PTH1R: variants seen among roughly 807,000 people sequenced by gnomAD.
PTH1R encodes the protein parathyroid hormone/parathyroid hormone-related peptide receptor.
Under a neutral mutation model 70.7 loss-of-function variants are expected in PTH1R, and 32 were observed. The observed-to-expected ratio is 0.45, with a 90% confidence interval of 0.34 to 0.61. The LOEUF is 0.61. Ranked by LOEUF, PTH1R falls within the 20% of genes least tolerant of loss-of-function variation. The pLI, the probability that PTH1R is intolerant of heterozygous loss-of-function variation, is 0.01. For synonymous variants in PTH1R, 329 were observed against 324.8 expected, an observed-to-expected ratio of 1.01 and a Z score of -0.14; for missense variants, 626 against 792.5, an observed-to-expected ratio of 0.79 and a Z score of 2.52.
Position 46,893,870 on chromosome 3 carries a change from G to T in PTH1R, c.76-37G>T. ...GTCTCTGGGACCTGCTGCTGCGCCG[G>T]AAAGTCCTGCCTGTGGTCTGACCTT... On this transcript the variant is annotated intron_variant, in intron 3 of 15. Transcript: ENST00000449590. The surrounding 1 kb of genome is among the most constrained non-coding windows in gnomAD (Gnocchi z 5.2). 6.2e-7 allele frequency: 1 copy of T among 1,604,120 alleles called. No individual in the cohort carries two copies. The highest frequency in any genetic ancestry group is 1.7e-4 in the Middle Eastern group (1 of 6,046).
At position 46,892,198 on chromosome 3, in the gene PTH1R, G is replaced by C. The variant is rs371008019; in HGVS notation, c.76-1709G>C. Among the ~76,000 whole-genome samples the C allele has an allele frequency of 6.6e-5, 10 of 152,258 alleles. No individual in the cohort carries two copies. Among genetic ancestry groups the C allele is most frequent in the African/African-American group, 2.2e-4 (9 of 41,554 alleles). On this transcript the variant is annotated intron_variant, in intron 3 of 15. Transcript: ENST00000449590. This position sits in a 1 kb window ranked among gnomAD's most constrained non-coding sequence, Gnocchi z 5.2. ...AGGATCTGCTCCAGCCCTTCCTGGG[G>C]TCCATAGTACCAGCGGAGATCTCAG... is the stretch of plus-strand genomic sequence containing the variant.
chr3:46,895,594 A>C, intron 4 of PTH1R, 141 bp from the exon 5 acceptor site: 1 of 1,287,358 alleles, frequency 7.8e-7, no homozygotes, highest in Non-Finnish European at 1.1e-6. Flanking sequence ...CCATCGTCTC[A>C]GATCTCCCAA....
Position 46,898,137 on chromosome 3 carries a change from C to T in PTH1R, c.488C>T (p.Thr163Met), listed in dbSNP as rs774308227. Residue 163 changes from threonine (T) to methionine (M), a missense_variant, in exon 7 of 16, where the codon ACG becomes ATG. Thr to Met is a moderately conservative substitution (Grantham distance 81, BLOSUM62 -1). Coordinates refer to ENST00000449590, the MANE Select transcript of PTH1R (RefSeq NM_000316.3). ...SWELVPGHNR[T>M]WANYSECVKF... ...GAGCTGGTGCCTGGGCACAACAGGA[C>T]GTGGGCCAACTACAGCGAGTGTGTC... is the stretch of plus-strand genomic sequence containing the variant. 4.3e-6 allele frequency: 7 copies of T among 1,614,100 alleles called. No individual in the cohort carries two copies. The highest frequency in any genetic ancestry group is 1.7e-5 in the Admixed American group (1 of 60,010).
At chr3:46,899,271 T>C in intron 9 of PTH1R, 32 bp from the exon 10 acceptor site, 1 of 1,613,558 alleles carries the variant, frequency 6.2e-7, no homozygotes, top group Non-Finnish European at 8.5e-7. Flanking sequence ...AGGCAGGCCC[T>C]GCCCTCTGAC....
chr3:46,878,358 C>CGA (rs150092726), intron 1 of PTH1R, among the ~76,000 whole-genome samples: 2,610 of 152,230 alleles, frequency 0.017, 73 homozygotes, highest in African/African-American at 0.058. Flanking sequence ...GCCTAGAAGC[C>CGA]GAGAGAGGTC....
At chr3:46,886,881 C>T (rs906417612) in intron 3 of PTH1R, among the ~76,000 whole-genome samples, 5 of 152,166 alleles carry the variant, frequency 3.3e-5, no homozygotes, top group Admixed American at 6.5e-5. Flanking sequence ...AAAAGCAGCA[C>T]GAGATTTGCT....
Position 46,902,890 on chromosome 3 carries a change from G to T in PTH1R, c.1395+100G>T. On this transcript the variant is annotated intron_variant, in intron 15 of 15. Coordinates refer to ENST00000449590, the MANE Select transcript of PTH1R (RefSeq NM_000316.3). This position sits in a 1 kb window ranked among gnomAD's most constrained non-coding sequence, Gnocchi z 5.4. ...CATTCTTCCACCCTGTTATTTCTTT[G>T]TTCCTCCAAGAACACCCCTGAGGAC... The T allele has an allele frequency of 1.3e-6, 2 of 1,519,056 alleles. No homozygotes were observed. Among genetic ancestry groups the T allele is most frequent in the Non-Finnish European group, 1.8e-6 (2 of 1,101,108 alleles). 94.1% of individuals were successfully genotyped at this position (1,519,056 alleles called of 1,614,324 possible).
Position 46,903,600 on chromosome 3 carries a change from T to A in PTH1R, c.1726T>A (p.Ser576Thr). 6.2e-7 allele frequency: 1 copy of A among 1,613,358 alleles called. No homozygotes were observed. The change falls in exon 16 of 16, where the codon TCT becomes ACT. Residue 576 changes from serine to threonine, a missense_variant. Physicochemically the swap from Ser to Thr is moderately conservative, Grantham distance 58. Coordinates refer to ENST00000449590, the MANE Select transcript of PTH1R (RefSeq NM_000316.3). The surrounding 1 kb of genome is among the most constrained non-coding windows in gnomAD (Gnocchi z 4.4). ...CTGCTCAGGCCTGGACGAGGAGGCC[T>A]CTGGGCCTGAGCGGCCACCTGCCCT... ...GSCSGLDEEA[S>T]GPERPPALLQ...
In PTH1R at chr3:46,894,015, G is replaced by T. The variant is rs1183920969; in HGVS notation, c.178+6G>T. ...GGAGGTCCTGCAGAGGCCAGGTGGG[G>T]GTCAAAGGAAGAGGGTCTGGGGATG... On this transcript the variant is annotated splice_donor_region_variant and intron_variant, in intron 4 of 15. Transcript: ENST00000449590. 1.7e-5 allele frequency: 27 copies of T among 1,613,734 alleles called. No homozygotes were observed. The highest frequency in any genetic ancestry group is 2.2e-5 in the Non-Finnish European group (26 of 1,179,818).
At position 46,902,471 on chromosome 3, in the gene PTH1R, A is replaced by G. The variant is rs2032183366; in HGVS notation, c.1212-55A>G. 6.3e-7 allele frequency: 1 copy of G among 1,598,860 alleles called. No individual in the cohort carries two copies. Among genetic ancestry groups the G allele is most frequent in the Non-Finnish European group, 8.5e-7 (1 of 1,173,702 alleles). ...GGCTCGCAGGGTGGGGGGTGGCACA[A>G]TGCTTGTTGAAGGGGAAGTGGCTTG... On this transcript the variant is annotated intron_variant, in intron 13 of 15. Coordinates refer to ENST00000449590, the MANE Select transcript of PTH1R (RefSeq NM_000316.3). This position sits in a 1 kb window ranked among gnomAD's most constrained non-coding sequence, Gnocchi z 5.4.
At position 46,897,930 on chromosome 3, in the gene PTH1R, C is replaced by T. The variant is rs199707422; in HGVS notation, c.389C>T (p.Pro130Leu). Residue 130 changes from proline (P) to leucine (L), a missense_variant, in exon 6 of 16, where the codon CCC becomes CTC. Around this residue, in one of 3 missense-constraint regions of PTH1R, gnomAD observed 495 missense variants for 638.7 expected, o/e 0.77. Transcript: ENST00000449590. ...GCACCAGGTGAGGTGGTGGCTGTGC[C>T]CTGTCCGGACTACATTTATGACTTC... ...LGAPGEVVAV[P>L]CPDYIYDFNH... is the part of the protein sequence containing the mutation. The T allele has an allele frequency of 5.0e-6, 8 of 1,614,098 alleles. No homozygotes were observed. Among genetic ancestry groups the T allele is most frequent in the Non-Finnish European group, 6.8e-6 (8 of 1,180,020 alleles).
chr3:46,882,415 G>C lies in PTH1R; in HGVS notation c.-48-1097G>C, dbSNP rs542847778. Reference sequence around the variant, plus strand: ...GGCGCTGGCTTGGGGAGGCTGTCGGGGGGGCCCCGACATCCATGGCAAGGC... The same window carrying C: ...GGCGCTGGCTTGGGGAGGCTGTCGGCGGGGCCCCGACATCCATGGCAAGGC... On this transcript the variant is annotated intron_variant, in intron 2 of 15. Coordinates refer to ENST00000449590, the MANE Select transcript of PTH1R (RefSeq NM_000316.3). The surrounding 1 kb of genome is among the most constrained non-coding windows in gnomAD (Gnocchi z 4.3). The C allele has an allele frequency of 2.0e-5, 3 of 151,718 alleles. No homozygotes were observed. The highest frequency in any genetic ancestry group is 1.3e-4 in the Admixed American group (2 of 15,270). The allele number at this position is 151,718 out of a possible 1,614,324, so 9.4% of individuals were successfully genotyped here.
intron 3 of PTH1R, among the ~76,000 whole-genome samples, chr3:46,889,947 G>A (rs185862931): frequency 6.6e-6 from 1 of 152,298 alleles, no homozygotes; most frequent in Admixed American, 6.5e-5. Flanking sequence ...GGGGCGGGGA[G>A]AAGGGAGTAG....
Position 46,895,838 on chromosome 3 carries a change from CAAG to C in PTH1R, c.283_285del (p.Lys95del). The C allele has an allele frequency of 1.9e-6, 3 of 1,613,790 alleles. No individual in the cohort carries two copies. The highest frequency in any genetic ancestry group is 2.5e-6 in the Non-Finnish European group (3 of 1,180,020). ...AGCTCTACCCTGAGTCTGAGGAGGACAAGGAGGCACCCACTGGCAGCAGGTACC... is the reference window on the plus strand; with the variant it reads ...AGCTCTACCCTGAGTCTGAGGAGGACGAGGCACCCACTGGCAGCAGGTACC... On this transcript the variant is annotated inframe_deletion, in exon 5 of 16. Coordinates refer to ENST00000449590, the MANE Select transcript of PTH1R (RefSeq NM_000316.3).
In PTH1R at chr3:46,879,920, T is replaced by C. The variant is rs2030449250; in HGVS notation, c.-105-1142T>C. ...CAGGCGTGGTGGTGCACAACTATAA[T>C]GCCAGCTACTCAGGAGGCTGAGGCC... On this transcript the variant is annotated intron_variant, in intron 1 of 15. Coordinates refer to ENST00000449590, the MANE Select transcript of PTH1R (RefSeq NM_000316.3). The surrounding 1 kb of genome is among the most constrained non-coding windows in gnomAD (Gnocchi z 4.7). 6.6e-6 allele frequency among the ~76,000 whole-genome samples: 1 copy of C among 152,024 alleles called. No homozygotes were observed. The highest frequency in any genetic ancestry group is 1.5e-5 in the Non-Finnish European group (1 of 68,006).
chr3:46,899,899 CA>C (rs1374465436), intron 10 of PTH1R, among the ~76,000 whole-genome samples: 3 of 152,234 alleles, frequency 2.0e-5, no homozygotes, highest in Non-Finnish European at 4.4e-5. Flanking sequence ...CCAGCCTCAG[CA>C]GGCCTGCGGG....
At chr3:46,886,604 G>A (rs1309890946) in intron 3 of PTH1R, among the ~76,000 whole-genome samples, 8 of 152,134 alleles carry the variant, frequency 5.3e-5, no homozygotes, top group Admixed American at 2.6e-4. Flanking sequence ...TGATCCGCCC[G>A]CCTCGGCCTC....
intron 3 of PTH1R, among the ~76,000 whole-genome samples, chr3:46,886,155 C>G (rs1189036775): frequency 6.6e-6 from 1 of 152,154 alleles, no homozygotes. Context: ...CTTGAGGATG[C>G]GTCCTCCTAA....
rs2031719553 is a variant in PTH1R, at chr3:46,895,857, A to C, written c.301A>C (p.Ser101Arg). 1.2e-6 allele frequency: 2 copies of C among 1,613,376 alleles called. No individual in the cohort carries two copies. The highest frequency in any genetic ancestry group is 2.2e-5 in the East Asian group (1 of 44,872). The change falls in exon 5 of 16, where the codon AGC becomes CGC. Residue 101 changes from serine (S) to arginine (R), a missense_variant. Around this residue, in one of 3 missense-constraint regions of PTH1R, gnomAD observed 8 missense variants for 28.0 expected, o/e 0.29. Coordinates refer to ENST00000449590, the MANE Select transcript of PTH1R (RefSeq NM_000316.3). Reference protein sequence around the residue: ...SEEDKEAPTGSRYRGRPCLPE... With the variant: ...SEEDKEAPTGRRYRGRPCLPE... ...GGAGGACAAGGAGGCACCCACTGGC[A>C]GCAGGTACCGAGGTACGTCTCTGCT...
Sources: gnomAD v4.1 joint callset for allele counts (sites outside exome capture counted in the v4.1 genomes callset) on GRCh38, gnomAD v4.1.1 for gene constraint, gnomAD v4.1.1 regional missense constraint, Gnocchi (gnomAD v3.1) non-coding constraint, MANE v1.5 for transcripts, NCBI Gene and HGNC (gene_info 2026-07-23, HGNC 2026-07-21) for gene names.